RAB3GAP2: variants seen among roughly 807,000 people sequenced by gnomAD.
The protein encoded by RAB3GAP2 is RAB3 GTPase activating non-catalytic protein subunit 2.
A neutral mutation model predicts 185.3 loss-of-function variants in RAB3GAP2; 87 were observed. That is an observed-to-expected ratio of 0.47 (90% confidence interval 0.39 to 0.56). The LOEUF is 0.56. Among genes scored for constraint, RAB3GAP2 ranks in the 20% least tolerant of loss-of-function variants. The pLI, the probability that RAB3GAP2 is intolerant of heterozygous loss-of-function variation, is 0.00. For synonymous variants in RAB3GAP2, 554 were observed against 576.1 expected (o/e 0.96, Z 0.55); for missense variants, 1,492 against 1,638.2 (o/e 0.91, Z 1.54).
At chr1:220,261,733 A>G (rs1179339257) in intron 1 of RAB3GAP2, among the ~76,000 whole-genome samples, 1 of 152,240 alleles carries the variant, frequency 6.6e-6, no homozygotes, top group Non-Finnish European at 1.5e-5. Flanking sequence ...ATATCTGTTT[A>G]GAACTCAAAT....
chr1:220,226,950 T>C (rs1256974184), intron 2 of RAB3GAP2, among the ~76,000 whole-genome samples: 2 of 152,086 alleles, frequency 1.3e-5, no homozygotes, highest in Non-Finnish European at 2.9e-5. Flanking sequence ...CATGTGTACA[T>C]AGAAGAAAGG....
chr1:220,244,902 A>G (rs893242145), intron 1 of RAB3GAP2, among the ~76,000 whole-genome samples: 1 of 152,208 alleles, frequency 6.6e-6, no homozygotes, highest in African/African-American at 2.4e-5. Context: ...ACTCTTCTGG[A>G]TATTGGCTTA....
At chr1:220,167,000 T>G (rs1046994470) in intron 26 of RAB3GAP2, among the ~76,000 whole-genome samples, 1 of 152,210 alleles carries the variant, frequency 6.6e-6, no homozygotes, top group Non-Finnish European at 1.5e-5. Context: ...GAGAACCATA[T>G]GCTTAAATCC....
intron 1 of RAB3GAP2, among the ~76,000 whole-genome samples, chr1:220,244,385 G>A (rs534992522): frequency 2.6e-5 from 4 of 152,192 alleles, no homozygotes; most frequent in East Asian, 1.9e-4. Context: ...ACTACAAAAC[G>A]CTGCTGAAAG....
intron 17 of RAB3GAP2, among the ~76,000 whole-genome samples, chr1:220,186,240 A>G (rs1188391242): frequency 5.9e-5 from 9 of 151,914 alleles, no homozygotes; most frequent in Non-Finnish European, 4.4e-5. Flanking sequence ...CCCCACCCCC[A>G]TAGATATTTA....
At chr1:220,233,086 C>T (rs1659529854) in intron 1 of RAB3GAP2, among the ~76,000 whole-genome samples, 1 of 151,988 alleles carries the variant, frequency 6.6e-6, no homozygotes, top group Non-Finnish European at 1.5e-5. Context: ...AAATTGTGTG[C>T]AAGTTATTAG....
At chr1:220,231,120 C>G (rs1558163852) in intron 2 of RAB3GAP2, among the ~76,000 whole-genome samples, 1 of 152,202 alleles carries the variant, frequency 6.6e-6, no homozygotes, top group Non-Finnish European at 1.5e-5. Context: ...TTTTCCATTG[C>G]ATTTAGAATA....
At position 220,210,450 on chromosome 1, in the gene RAB3GAP2, G is replaced by C; in HGVS notation, c.550C>G (p.Pro184Ala). The stretch of plus-strand genomic sequence containing the variant: ...GTTCTGCATTTAAGTTGAAGTACTG[G>C]GTCCTCATTCAAAAGCTGTGCAAGC... ...LLLAQLLNED[P>A]VLQLKCRTYE... The change falls in exon 7 of 35, where the codon CCA becomes GCA. Residue 184 changes from proline to alanine, a missense_variant. Coordinates refer to ENST00000358951, the MANE Select transcript of RAB3GAP2 (RefSeq NM_012414.4). 1 of 1,614,036 alleles carries C rather than the reference G, an allele frequency of 6.2e-7. No homozygotes were observed. Among genetic ancestry groups the C allele is most frequent in the Non-Finnish European group, 8.5e-7 (1 of 1,179,940 alleles).
At chr1:220,173,752 T>C (rs919915952) in intron 21 of RAB3GAP2, among the ~76,000 whole-genome samples, 13 of 151,950 alleles carry the variant, frequency 8.6e-5, no homozygotes, top group Non-Finnish European at 1.9e-4. Flanking sequence ...AGAACTAAAA[T>C]TGACACACCT....
intron 1 of RAB3GAP2, among the ~76,000 whole-genome samples, chr1:220,257,466 T>A: frequency 6.6e-6 from 1 of 151,902 alleles, no homozygotes; most frequent in South Asian, 2.1e-4. Flanking sequence ...AACCTGCTCC[T>A]GAATGACTTT....
At chr1:220,154,293 C>A in intron 31 of RAB3GAP2, 1 of 477,400 alleles carries the variant, frequency 2.1e-6, no homozygotes, top group Non-Finnish European at 3.5e-6. Flanking sequence ...CCTCTCCTTG[C>A]ATGGAGGCTG....
At chr1:220,270,882 C>T (rs58046577) in intron 1 of RAB3GAP2, among the ~76,000 whole-genome samples, 3 of 152,202 alleles carry the variant, frequency 2.0e-5, no homozygotes, top group African/African-American at 4.8e-5. Flanking sequence ...GGTCTAGCTC[C>T]TTATTACTAC....
At chr1:220,259,133 T>C (rs1271982372) in intron 1 of RAB3GAP2, among the ~76,000 whole-genome samples, 4 of 152,194 alleles carry the variant, frequency 2.6e-5, no homozygotes, top group African/African-American at 4.8e-5. Flanking sequence ...AGAATCAATA[T>C]TGTGAAAATG....
chr1:220,181,511 G>A (rs1658404053), intron 21 of RAB3GAP2, among the ~76,000 whole-genome samples: 1 of 152,084 alleles, frequency 6.6e-6, no homozygotes, highest in Non-Finnish European at 1.5e-5. Flanking sequence ...CTCCTTGGAT[G>A]ATTCTTTTGT....
intron 27 of RAB3GAP2, among the ~76,000 whole-genome samples, chr1:220,162,844 T>G (rs1022066475): frequency 6.6e-6 from 1 of 152,210 alleles, no homozygotes; most frequent in Admixed American, 6.5e-5. Flanking sequence ...AATCCCAATG[T>G]CTGCCAATTG....
chr1:220,179,454 G>A (rs1423071848), intron 21 of RAB3GAP2, among the ~76,000 whole-genome samples: 1 of 152,016 alleles, frequency 6.6e-6, no homozygotes, highest in Non-Finnish European at 1.5e-5. Context: ...TTTCAGGAAT[G>A]GACAGATCTT....
rs562822129 is a variant in RAB3GAP2 at position 220,224,713 on chromosome 1, C to G, written c.180+8086G>C. ...CCTCCAAAAAACAAATGAACAAAAT[C>G]AAGGAGAAAAGGCACAAAATGTGAG... On this transcript the variant is annotated intron_variant, in intron 2 of 34. Transcript: ENST00000358951. Among the ~76,000 whole-genome samples the G allele has an allele frequency of 2.0e-5, 3 of 152,088 alleles. No individual in the cohort carries two copies. The East Asian group carries it at 5.8e-4, about 29-fold the overall frequency.
chr1:220,266,646 T>C (rs1660231602), intron 1 of RAB3GAP2: 12 of 1,401,756 alleles, frequency 8.6e-6, no homozygotes, highest in African/African-American at 1.4e-5. Flanking sequence ...TTTGGTAGCA[T>C]GTTCCTGAGA....
intron 26 of RAB3GAP2, 128 bp from the exon 27 acceptor site, chr1:220,164,927 T>C: frequency 1.2e-6 from 1 of 855,296 alleles, no homozygotes; most frequent in Non-Finnish European, 1.8e-6. Context: ...AATAATAACA[T>C]GAAATTATTG....
Sources: allele counts gnomAD v4.1 joint callset (sites outside exome capture counted in the v4.1 genomes callset), GRCh38; gene constraint gnomAD v4.1.1; transcripts MANE v1.5; gene names NCBI Gene and HGNC (gene_info 2026-07-23, HGNC 2026-07-21).